MAPRE3: variants seen among roughly 807,000 people sequenced by gnomAD.
MAPRE3 encodes the protein microtubule-associated protein RP/EB family member 3.
A neutral mutation model predicts 30.5 loss-of-function variants in MAPRE3; 2 were observed. That is an observed-to-expected ratio of 0.07 (90% CI 0.03 to 0.21). The LOEUF (loss-of-function observed/expected upper bound fraction) is 0.21, where lower values mean the gene tolerates loss of function less well. Among genes scored for constraint, MAPRE3 ranks in the 10% least tolerant of loss-of-function variants. MAPRE3 has a pLI of 1.00. For missense variants in MAPRE3, 204 were observed against 351.8 expected (o/e 0.58, Z 3.36); for synonymous variants, 110 against 127.7 (o/e 0.86, Z 0.93).
At chr2:26,975,647 C>G (rs1299732771) in intron 1 of MAPRE3, among the ~76,000 whole-genome samples, 1 of 152,124 alleles carries the variant, frequency 6.6e-6, no homozygotes, top group African/African-American at 2.4e-5. Context: ...GGAACTTTTA[C>G]TTTATATGTT....
At chr2:27,006,642 C>G (rs182388675) in intron 1 of MAPRE3, among the ~76,000 whole-genome samples, 51 of 152,118 alleles carry the variant, frequency 3.4e-4, no homozygotes, top group African/African-American at 1.2e-3. Context: ...CTATGTTGCC[C>G]AGGCTGGTCT....
intron 1 of MAPRE3, among the ~76,000 whole-genome samples, chr2:27,005,201 T>A (rs976980641): frequency 3.3e-5 from 5 of 152,170 alleles, no homozygotes; most frequent in Non-Finnish European, 7.3e-5. Context: ...AAAAATTGAA[T>A]GTTCAAATAT....
chr2:27,007,078 T>G (rs540021201), intron 1 of MAPRE3, among the ~76,000 whole-genome samples: 1 of 152,228 alleles, frequency 6.6e-6, no homozygotes, highest in Non-Finnish European at 1.5e-5. Context: ...TTTGCTGCTC[T>G]TTAATTACTT....
intron 1 of MAPRE3, among the ~76,000 whole-genome samples, chr2:27,017,847 T>C (rs1667022538): frequency 6.6e-6 from 1 of 152,096 alleles, no homozygotes; most frequent in African/African-American, 2.4e-5. Flanking sequence ...ACATATAATG[T>C]ATATATAATA....
intron 6 of MAPRE3, 36 bp downstream of exon 6, chr2:27,026,068 CT>C (rs765301855): frequency 4.3e-6 from 7 of 1,611,992 alleles, no homozygotes. Context: ...CCTCCCCAGT[CT>C]GGCCTGGCCC....
rs141830337 is a variant in MAPRE3, at chr2:27,003,464, T to A, written c.-7-18748T>A. 1.5e-3 allele frequency among the ~76,000 whole-genome samples: 222 copies of A among 152,330 alleles called. 2 individuals carry two copies. The highest frequency in any genetic ancestry group is 4.9e-3 in the African/African-American group (204 of 41,590). On this transcript the variant is annotated intron_variant, in intron 1 of 6. Transcript: ENST00000233121. ...CCTTCAGGACCTTACCCTGATCTCTTGAGAGGTGACACCCTCAAGAGAGAA... is the reference window on the plus strand; with the variant it reads ...CCTTCAGGACCTTACCCTGATCTCTAGAGAGGTGACACCCTCAAGAGAGAA...
At chr2:26,970,994 C>T (rs1665905242) in intron 1 of MAPRE3, among the ~76,000 whole-genome samples, 192 bp downstream of exon 1, 1 of 151,848 alleles carries the variant, frequency 6.6e-6, no homozygotes. Context: ...CCTTGGCGGC[C>T]CGGCCTCCCC....
At chr2:26,992,459 A>G (rs910682493) in intron 1 of MAPRE3, among the ~76,000 whole-genome samples, 2 of 152,108 alleles carry the variant, frequency 1.3e-5, no homozygotes, top group Non-Finnish European at 2.9e-5. Context: ...TCCCGACGTC[A>G]GGTGATCCAC....
chr2:26,976,630 G>A (rs1435897502), intron 1 of MAPRE3, among the ~76,000 whole-genome samples: 1 of 152,132 alleles, frequency 6.6e-6, no homozygotes, highest in African/African-American at 2.4e-5. Flanking sequence ...TAACGTCAGT[G>A]TTTTAGGCTC....
At chr2:26,995,992 T>G (rs896156448) in intron 1 of MAPRE3, among the ~76,000 whole-genome samples, 1 of 151,906 alleles carries the variant, frequency 6.6e-6, no homozygotes. Context: ...CCTCTATTCC[T>G]TGTTATCCTC....
At chr2:26,982,603 C>T (rs1666137983) in intron 1 of MAPRE3, among the ~76,000 whole-genome samples, 2 of 152,246 alleles carry the variant, frequency 1.3e-5, no homozygotes, top group African/African-American at 2.4e-5. Flanking sequence ...ATTAAATGGA[C>T]TCTCTATAAA....
chr2:27,016,866 G>T (rs1667000789), intron 1 of MAPRE3, among the ~76,000 whole-genome samples: 1 of 152,104 alleles, frequency 6.6e-6, no homozygotes, highest in South Asian at 2.1e-4. Flanking sequence ...TGGTTTTAGG[G>T]GATACGGAGG....
chr2:27,003,569 A>C (rs541363574), intron 1 of MAPRE3, among the ~76,000 whole-genome samples: 1 of 152,222 alleles, frequency 6.6e-6, no homozygotes, highest in East Asian at 1.9e-4. Context: ...TACCATCACC[A>C]CTTGGAAAGG....
intron 1 of MAPRE3, among the ~76,000 whole-genome samples, chr2:26,994,319 A>G (rs1455622487): frequency 6.6e-6 from 1 of 152,234 alleles, no homozygotes; most frequent in Non-Finnish European, 1.5e-5. Context: ...CAGAAAGGTA[A>G]TCAGAGCTTG....
intron 1 of MAPRE3, among the ~76,000 whole-genome samples, chr2:27,018,730 TG>T (rs1191006646): frequency 6.6e-6 from 1 of 152,052 alleles, no homozygotes; most frequent in African/African-American, 2.4e-5. Context: ...AGGTGCATCC[TG>T]GGAACTCAGA....
intron 1 of MAPRE3, chr2:27,009,895 G>A (rs1438810568): frequency 2.0e-5 from 3 of 152,282 alleles, no homozygotes; most frequent in Non-Finnish European, 4.4e-5. Flanking sequence ...GGAGCATGAT[G>A]TGTTGCCCTT....
intron 3 of MAPRE3, 98 bp downstream of exon 3, chr2:27,023,575 C>T (rs763191381): frequency 1.1e-5 from 16 of 1,473,554 alleles, no homozygotes; most frequent in Admixed American, 5.2e-5. Context: ...GGGGTCATTC[C>T]GGTGCTCGTG....
At chr2:26,973,835 G>A (rs1267662321) in intron 1 of MAPRE3, among the ~76,000 whole-genome samples, 1 of 152,204 alleles carries the variant, frequency 6.6e-6, no homozygotes, top group African/African-American at 2.4e-5. Context: ...GACTACAGGC[G>A]TGAGCCACCG....
intron 1 of MAPRE3, among the ~76,000 whole-genome samples, chr2:26,993,987 C>G (rs1666403538): frequency 6.6e-6 from 1 of 152,160 alleles, no homozygotes; most frequent in Non-Finnish European, 1.5e-5. Flanking sequence ...CCAGAATACC[C>G]CAGAATTTGA....
Sources: allele counts gnomAD v4.1 joint callset (sites outside exome capture counted in the v4.1 genomes callset), GRCh38; gene constraint gnomAD v4.1.1; transcripts MANE v1.5; gene names NCBI Gene and HGNC (gene_info 2026-07-23, HGNC 2026-07-21).